Variants in SLC25A21 observed in about 807,000 individuals in gnomAD.
The protein encoded by SLC25A21 is solute carrier family 25 member 21.
A neutral mutation model predicts 43.8 loss-of-function variants in SLC25A21; 47 were observed. That is an observed-to-expected ratio of 1.07 (90% CI 0.85 to 1.37). The LOEUF (loss-of-function observed/expected upper bound fraction) is 1.37. Ranked by LOEUF, SLC25A21 falls within the 40% of genes most tolerant of loss-of-function variation. The pLI is 0.00. For missense variants in SLC25A21, 352 were observed against 350.2 expected, an observed-to-expected ratio of 1.00 and a Z score of -0.04; for synonymous variants, 131 against 121.3, an observed-to-expected ratio of 1.08 and a Z score of -0.52.
intron 1 of SLC25A21, among the ~76,000 whole-genome samples, chr14:37,141,010 G>A (rs1963561253): frequency 6.6e-6 from 1 of 152,172 alleles, no homozygotes; most frequent in Non-Finnish European, 1.5e-5. Flanking sequence ...GCCAGGCGTG[G>A]TGGTGCAGGC....
intron 5 of SLC25A21, among the ~76,000 whole-genome samples, chr14:36,726,873 G>A (rs537329032): frequency 1.3e-5 from 2 of 152,258 alleles, no homozygotes; most frequent in South Asian, 2.1e-4. Context: ...CTTGTTAATG[G>A]GCTCTAATAT....
intron 3 of SLC25A21, among the ~76,000 whole-genome samples, chr14:36,765,686 C>G (rs1344091918): frequency 6.6e-6 from 1 of 152,164 alleles, no homozygotes; most frequent in Non-Finnish European, 1.5e-5. Context: ...TCTGTGTATC[C>G]TTTTCCTCTG....
intron 3 of SLC25A21, among the ~76,000 whole-genome samples, chr14:36,799,048 T>G (rs1234518581): frequency 6.6e-6 from 1 of 152,158 alleles, no homozygotes; most frequent in East Asian, 1.9e-4. Context: ...ATTGGGAATC[T>G]TCAGGTCTGA....
At chr14:37,139,258 C>A (rs1963532802) in intron 1 of SLC25A21, among the ~76,000 whole-genome samples, 1 of 152,008 alleles carries the variant, frequency 6.6e-6, no homozygotes, top group Non-Finnish European at 1.5e-5. Context: ...TAAACATGTA[C>A]AATCATTTTG....
At chr14:36,682,450 G>A (rs4477602) in intron 9 of SLC25A21, among the ~76,000 whole-genome samples, 26,612 of 152,010 alleles carry the variant, frequency 0.18, 3,527 homozygotes, top group African/African-American at 0.34. Flanking sequence ...TAAAAAGCCA[G>A]CCAAACATTT....
chr14:37,049,773 T>C (rs1244311027), intron 1 of SLC25A21, among the ~76,000 whole-genome samples: 1 of 152,240 alleles, frequency 6.6e-6, no homozygotes, highest in East Asian at 1.9e-4. Flanking sequence ...TAATGTAATG[T>C]ATCCAAAATA....
intron 1 of SLC25A21, among the ~76,000 whole-genome samples, chr14:37,150,171 T>C (rs1963734669): frequency 6.6e-6 from 1 of 152,154 alleles, no homozygotes; most frequent in Non-Finnish European, 1.5e-5. Context: ...GCACTGTAGC[T>C]CCTGTTTAGA....
chr14:36,780,082 T>G (rs77542337), intron 3 of SLC25A21, among the ~76,000 whole-genome samples: 1 of 151,946 alleles, frequency 6.6e-6, no homozygotes, highest in Non-Finnish European at 1.5e-5. Flanking sequence ...AGGCTGTAAA[T>G]TTTTAGGAAT....
chr14:37,015,775 C>T (rs1960840666), intron 1 of SLC25A21, among the ~76,000 whole-genome samples: 1 of 152,094 alleles, frequency 6.6e-6, no homozygotes, highest in African/African-American at 2.4e-5. Context: ...TTTTGATTTG[C>T]ATTTCTCTGA....
chr14:36,698,743 G>A (rs145666728), intron 7 of SLC25A21, among the ~76,000 whole-genome samples: 175 of 152,104 alleles, frequency 1.2e-3, no homozygotes, highest in African/African-American at 3.7e-3. Context: ...TGAAGTTCTC[G>A]TGCCATGGTT....
chr14:36,752,292 C>T (rs1363074931), intron 3 of SLC25A21, among the ~76,000 whole-genome samples: 1 of 152,142 alleles, frequency 6.6e-6, no homozygotes, highest in Non-Finnish European at 1.5e-5. Context: ...TTACGCATTG[C>T]TTTTGGGAAT....
At chr14:37,124,015 CTT>C (rs779404360) in intron 1 of SLC25A21, among the ~76,000 whole-genome samples, 8 of 146,150 alleles carry the variant, frequency 5.5e-5, no homozygotes, top group Admixed American at 1.4e-4. Flanking sequence ...TTATCATTAT[CTT>C]TTTTTTTTTT....
At chr14:36,739,751 CAA>C (rs993081944) in intron 3 of SLC25A21, among the ~76,000 whole-genome samples, 1 of 151,986 alleles carries the variant, frequency 6.6e-6, no homozygotes, top group African/African-American at 2.4e-5. Context: ...GTTACTGACC[CAA>C]AAGATACATG....
chr14:36,823,404 G>T (rs1422642753), intron 2 of SLC25A21, among the ~76,000 whole-genome samples: 1 of 152,060 alleles, frequency 6.6e-6, no homozygotes, highest in Admixed American at 6.6e-5. Context: ...TCAGATTATA[G>T]TGCTACCACT....
At chr14:37,139,974 G>A (rs17106437) in intron 1 of SLC25A21, among the ~76,000 whole-genome samples, 4,892 of 152,246 alleles carry the variant, frequency 0.032, 159 homozygotes, top group Admixed American at 0.096. Context: ...TTGAAGAACC[G>A]GAGGAAATAA....
intron 3 of SLC25A21, among the ~76,000 whole-genome samples, chr14:36,757,428 T>G (rs963100149): frequency 2.6e-5 from 4 of 152,202 alleles, no homozygotes; most frequent in Non-Finnish European, 5.9e-5. Flanking sequence ...GTGCTTATTG[T>G]GAACCACACT....
chr14:37,137,142 C>A (rs1963495431), intron 1 of SLC25A21, among the ~76,000 whole-genome samples: 1 of 152,080 alleles, frequency 6.6e-6, no homozygotes, highest in Admixed American at 6.6e-5. Context: ...GGACTACAGG[C>A]GCCCGCCACC....
intron 1 of SLC25A21, among the ~76,000 whole-genome samples, chr14:37,130,564 T>C (rs1193282241): frequency 6.6e-6 from 1 of 152,204 alleles, no homozygotes; most frequent in Non-Finnish European, 1.5e-5. Context: ...TAAAGTGCAT[T>C]ACTGTGGCTA....
At chr14:36,756,520 G>C (rs1308981737) in intron 3 of SLC25A21, among the ~76,000 whole-genome samples, 1 of 152,186 alleles carries the variant, frequency 6.6e-6, no homozygotes, top group Non-Finnish European at 1.5e-5. Flanking sequence ...CTCCAGCTGT[G>C]CTCAAGGATG....
Sources: allele counts gnomAD v4.1 joint callset (sites outside exome capture counted in the v4.1 genomes callset), GRCh38; gene constraint gnomAD v4.1.1; transcripts MANE v1.5; gene names NCBI Gene and HGNC (gene_info 2026-07-23, HGNC 2026-07-21).